PPP2R5C: variants seen among roughly 807,000 people sequenced by gnomAD.
PPP2R5C encodes protein phosphatase 2 regulatory subunit B'gamma.
Under a neutral mutation model 68.9 loss-of-function variants are expected in PPP2R5C, and 7 were observed. The ratio of observed to expected loss-of-function variants is 0.10; its 90% CI spans 0.06 to 0.19. The LOEUF is 0.19. Among genes scored for constraint, PPP2R5C ranks in the 10% least tolerant of loss-of-function variants. The pLI is 1.00. For synonymous variants in PPP2R5C, 210 were observed against 222.2 expected (o/e 0.95, Z 0.49); for missense variants, 348 against 641.3 (o/e 0.54, Z 4.94).
chr14:101,791,507 T>C (rs2038364896), intron 3 of PPP2R5C, among the ~76,000 whole-genome samples: 1 of 152,204 alleles, frequency 6.6e-6, no homozygotes, highest in South Asian at 2.1e-4. Context: ...AATAGTGTTT[T>C]TATTATTATA....
intron 1 of PPP2R5C, 118 bp from the exon 4 acceptor site, chr14:101,856,568 T>A: frequency 1.1e-6 from 1 of 939,854 alleles, no homozygotes; most frequent in South Asian, 1.6e-5. Flanking sequence ...ACCCCACCCA[T>A]CTCCTTTTTT....
At chr14:101,800,888 C>T (rs2038836185) in intron 3 of PPP2R5C, among the ~76,000 whole-genome samples, 1 of 152,114 alleles carries the variant, frequency 6.6e-6, no homozygotes, top group East Asian at 1.9e-4. Context: ...ATTATTCAGC[C>T]ATAAGAAAGA....
At chr14:101,898,581 G>A (rs1677998) in intron 8 of PPP2R5C, among the ~76,000 whole-genome samples, 10,541 of 152,246 alleles carry the variant, frequency 0.069, 475 homozygotes, top group South Asian at 0.12. Flanking sequence ...AAGAGACCCC[G>A]TGCCGGCTTC....
intron 9 of PPP2R5C, 23 bp downstream of exon 11, chr14:101,901,912 GATTAA>G (rs750875985): frequency 1.2e-6 from 2 of 1,604,210 alleles, no homozygotes; most frequent in Non-Finnish European, 1.7e-6. Flanking sequence ...TGGGGGACCT[GATTAA>G]ATTCTTCCAG....
chr14:101,883,373 T>TC (rs1357890240), intron 4 of PPP2R5C, 24 bp downstream of exon 6: 2 of 1,602,070 alleles, frequency 1.2e-6, no homozygotes, highest in Non-Finnish European at 1.7e-6. Context: ...TAGCTGACAC[T>TC]CTGAAAGCCC....
intron 1 of PPP2R5C, chr14:101,821,184 G>C: frequency 6.6e-6 from 1 of 152,088 alleles, no homozygotes; most frequent in East Asian, 1.9e-4. Flanking sequence ...AGCATCCGGA[G>C]CCCACCTAAC....
At chr14:101,802,280 C>T (rs2038895361) in intron 3 of PPP2R5C, among the ~76,000 whole-genome samples, 1 of 152,066 alleles carries the variant, frequency 6.6e-6, no homozygotes, top group Admixed American at 6.5e-5. Flanking sequence ...GGTGTGTTGG[C>T]ACACACCTGT....
In PPP2R5C at chr14:101,913,475, G is replaced by A. The variant is rs181288412; in HGVS notation, c.1326+1002G>A. ...ATCAGGAAACTCAAATCAGGAAAAC[G>A]GAATGACATTTCTAATTGTGAGCCC... On this transcript the variant is annotated intron_variant, in intron 12 of 13. Transcript: ENST00000334743. This position sits in a 1 kb window ranked among gnomAD's most constrained non-coding sequence, Gnocchi z 4.1. Among the ~76,000 whole-genome samples the A allele has an allele frequency of 7.9e-5, 12 of 152,144 alleles. No homozygotes were observed. In the East Asian group the frequency reaches 1.2e-3, roughly 15 times the overall value.
intron 2 of PPP2R5C, chr14:101,765,352 C>A: frequency 3.0e-6 from 2 of 664,050 alleles, no homozygotes; most frequent in Non-Finnish European, 2.7e-6. Flanking sequence ...TTTGAGTTGA[C>A]CCTTAAATTT....
chr14:101,765,027 A>G (rs1448585589), intron 2 of PPP2R5C: 1 of 614,434 alleles, frequency 1.6e-6, no homozygotes, highest in African/African-American at 1.8e-5. Flanking sequence ...CAGTAGTTCA[A>G]AGATACCAAA....
rs116407235 is a variant in PPP2R5C at position 101,904,749 on chromosome 14, G to A, written c.1024-1653G>A. 5.2e-3 allele frequency among the ~76,000 whole-genome samples: 786 copies of A among 152,288 alleles called. 10 individuals are homozygous for A. Among genetic ancestry groups the A allele is most frequent in the African/African-American group, 0.018 (740 of 41,556 alleles). ...GCTGTAGGCTTCTGGCAGGAGAAGCGTCAGCCCCATGCTGCTCAGAGCCTC... is the reference window on the plus strand; with the variant it reads ...GCTGTAGGCTTCTGGCAGGAGAAGCATCAGCCCCATGCTGCTCAGAGCCTC... On this transcript the variant is annotated intron_variant, in intron 9 of 13. Coordinates refer to ENST00000334743, the Ensembl canonical transcript of PPP2R5C.
At chr14:101,844,374 G>A (rs866485190) in intron 1 of PPP2R5C, among the ~76,000 whole-genome samples, 2 of 152,138 alleles carry the variant, frequency 1.3e-5, no homozygotes, top group Admixed American at 6.5e-5. Flanking sequence ...TTCTGATATC[G>A]TGGTTTCTGG....
intron 3 of PPP2R5C, among the ~76,000 whole-genome samples, chr14:101,796,307 G>A (rs796071887): frequency 3.2e-4 from 49 of 152,304 alleles, no homozygotes; most frequent in Middle Eastern, 3.4e-3. Flanking sequence ...AAAGAGCCGC[G>A]CAGGGAATCT....
intron 1 of PPP2R5C, chr14:101,824,165 T>C: frequency 1.6e-6 from 2 of 1,273,830 alleles, no homozygotes; most frequent in South Asian, 2.5e-5. Flanking sequence ...AAGAGTATTT[T>C]CGTGGTAAAC....
At chr14:101,876,485 G>A (rs578018922) in intron 2 of PPP2R5C, among the ~76,000 whole-genome samples, 13 of 151,738 alleles carry the variant, frequency 8.6e-5, no homozygotes, top group South Asian at 2.1e-4. Flanking sequence ...GTTATGTTAC[G>A]GCATAAATAT....
intron 1 of PPP2R5C, among the ~76,000 whole-genome samples, chr14:101,842,010 C>T (rs1013620996): frequency 2.0e-5 from 3 of 152,070 alleles, no homozygotes; most frequent in Admixed American, 6.5e-5. Flanking sequence ...CCAGAGCCCT[C>T]GTTATACCTG....
intron 8 of PPP2R5C, among the ~76,000 whole-genome samples, chr14:101,898,367 A>G (rs1328078250): frequency 1.3e-5 from 2 of 152,164 alleles, no homozygotes; most frequent in Non-Finnish European, 2.9e-5. Flanking sequence ...CTATCCCGCC[A>G]TCCACTGTCT....
At chr14:101,787,958 C>T (rs1336453980) in intron 3 of PPP2R5C, among the ~76,000 whole-genome samples, 1 of 152,086 alleles carries the variant, frequency 6.6e-6, no homozygotes, top group African/African-American at 2.4e-5. Context: ...TGTTGAGCGC[C>T]TGTGAAAGCT....
Position 101,906,371 on chromosome 14 carries a change from C to T in PPP2R5C, c.1024-31C>T. On this transcript the variant is annotated intron_variant, in intron 9 of 13. Transcript: ENST00000334743. The surrounding 1 kb of genome is among the most constrained non-coding windows in gnomAD (Gnocchi z 4.0). Reference sequence around the variant, plus strand: ...AGCCACCTGATGTCTCAGGCACAACCTCCAGCAAGCCATCCACTTGTGTCT... The same window carrying T: ...AGCCACCTGATGTCTCAGGCACAACTTCCAGCAAGCCATCCACTTGTGTCT... 6.4e-7 allele frequency: 1 copy of T among 1,562,264 alleles called. No homozygotes were observed. The highest frequency in any genetic ancestry group is 1.2e-5 in the South Asian group (1 of 82,208).
Sources: gnomAD v4.1 joint callset for allele counts (sites outside exome capture counted in the v4.1 genomes callset) on GRCh38, gnomAD v4.1.1 for gene constraint, Gnocchi (gnomAD v3.1) non-coding constraint, MANE v1.5 for transcripts, NCBI Gene and HGNC (gene_info 2026-07-23, HGNC 2026-07-21) for gene names.